Variants in CORO2A observed in about 807,000 individuals in gnomAD.
CORO2A encodes the protein coronin-2A.
Under a neutral mutation model 62.4 loss-of-function variants are expected in CORO2A, and 47 were observed. That is an observed-to-expected ratio of 0.75 (90% CI 0.60 to 0.96). The LOEUF is 0.96. Among genes scored for constraint, CORO2A ranks in the 40% least tolerant of loss-of-function variants. CORO2A has a pLI of 0.00. For missense variants in CORO2A, 610 were observed against 684.1 expected, an observed-to-expected ratio of 0.89 and a Z score of 1.21; for synonymous variants, 273 against 268.9, an observed-to-expected ratio of 1.02 and a Z score of -0.15.
chr9:98,186,867 C>T (rs777499699), intron 1 of CORO2A, among the ~76,000 whole-genome samples: 1 of 152,166 alleles, frequency 6.6e-6, no homozygotes, highest in Non-Finnish European at 1.5e-5. Flanking sequence ...CCAACCTCTC[C>T]CCTAGCACTG....
chr9:98,139,807 A>G (rs1487187530), intron 2 of CORO2A, among the ~76,000 whole-genome samples: 1 of 152,226 alleles, frequency 6.6e-6, no homozygotes, highest in Non-Finnish European at 1.5e-5. Context: ...AACAAAAAAC[A>G]AAACACGGTG....
At chr9:98,153,260 T>C (rs559356244) in intron 2 of CORO2A, among the ~76,000 whole-genome samples, 45 of 151,934 alleles carry the variant, frequency 3.0e-4, no homozygotes, top group Non-Finnish European at 5.9e-4. Flanking sequence ...CTACCACACC[T>C]GGCTAATTTT....
At chr9:98,179,501 C>T (rs1051166505) in intron 1 of CORO2A, among the ~76,000 whole-genome samples, 1 of 152,148 alleles carries the variant, frequency 6.6e-6, no homozygotes, top group African/African-American at 2.4e-5. Context: ...AAGCTGAGAC[C>T]CCACTTGGGC....
At chr9:98,142,854 GC>G (rs1827592024) in intron 2 of CORO2A, among the ~76,000 whole-genome samples, 1 of 57,104 alleles carries the variant, frequency 1.8e-5, no homozygotes, top group Non-Finnish European at 3.6e-5. Context: ...GCCCTGCCCT[GC>G]GCTGCCCTGC....
intron 2 of CORO2A, among the ~76,000 whole-genome samples, chr9:98,149,091 T>C (rs78075956): frequency 0.078 from 11,912 of 152,284 alleles, 612 homozygotes; most frequent in Non-Finnish European, 0.11. Context: ...TACTGCGTAC[T>C]GTAGTCTTAT....
chr9:98,179,183 C>T (rs976762619), intron 1 of CORO2A, among the ~76,000 whole-genome samples: 1 of 152,166 alleles, frequency 6.6e-6, no homozygotes, highest in Admixed American at 6.5e-5. Context: ...CTGACATCTG[C>T]GGACTGGGAA....
At chr9:98,173,887 C>T (rs975629433) in intron 1 of CORO2A, among the ~76,000 whole-genome samples, 4 of 152,148 alleles carry the variant, frequency 2.6e-5, no homozygotes, top group South Asian at 2.1e-4. Context: ...GAGGCTGAGG[C>T]GGGCAGATCA....
At chr9:98,191,819 T>G (rs1828308971) in intron 1 of CORO2A, among the ~76,000 whole-genome samples, 1 of 152,168 alleles carries the variant, frequency 6.6e-6, no homozygotes, top group Non-Finnish European at 1.5e-5. Context: ...AGCTAGTGTG[T>G]GTCACACCTT....
chr9:98,141,645 C>T (rs935601303), intron 2 of CORO2A, among the ~76,000 whole-genome samples: 12 of 152,200 alleles, frequency 7.9e-5, no homozygotes, highest in Admixed American at 3.3e-4. Context: ...TGAGCCACTG[C>T]GCCCAGCTGC....
chr9:98,160,667 C>G (rs73657106), intron 1 of CORO2A, among the ~76,000 whole-genome samples: 3,094 of 152,268 alleles, frequency 0.02, 75 homozygotes, highest in African/African-American at 0.056. Flanking sequence ...AGCAAATCAG[C>G]AGGCTCCGCT....
rs1250349243 is a variant in CORO2A at position 98,121,085 on chromosome 9, A to C, written c.*3689T>G. On this transcript the variant is annotated 3_prime_UTR_variant, in exon 12 of 12. Coordinates refer to ENST00000375077, the MANE Select transcript of CORO2A (RefSeq NM_052820.4). ...TTATCATTATTTTTCACAAAGGTAC[A>C]AGGAATTTCAGAAACAACATTAAAA... 3 of 152,218 alleles carry C rather than the reference A, an allele frequency of 2.0e-5. No individual in the cohort carries two copies. The highest frequency in any genetic ancestry group is 7.2e-5 in the African/African-American group (3 of 41,462). 9.4% of individuals were successfully genotyped at this position (152,218 alleles called of 1,614,324 possible). A position where few individuals can be genotyped will look rare whatever the true frequency, so the allele number is the denominator to read the frequency against.
At chr9:98,187,320 A>G (rs1356578438) in intron 1 of CORO2A, among the ~76,000 whole-genome samples, 2 of 149,438 alleles carry the variant, frequency 1.3e-5, no homozygotes, top group African/African-American at 2.5e-5. Context: ...TTAGCCAGGC[A>G]TGATGGCGGA....
chr9:98,163,746 G>GAC (rs2118891672), intron 1 of CORO2A, among the ~76,000 whole-genome samples: 2 of 130,922 alleles, frequency 1.5e-5, no homozygotes, highest in African/African-American at 6.1e-5. Context: ...GTGTGTGAGA[G>GAC]AGAGAGAGAG....
intron 1 of CORO2A, among the ~76,000 whole-genome samples, chr9:98,161,409 C>A (rs1175629820): frequency 6.6e-6 from 1 of 152,056 alleles, no homozygotes; most frequent in Non-Finnish European, 1.5e-5. Flanking sequence ...CAAAAATTAG[C>A]CGGGTGTGGT....
chr9:98,183,100 G>A (rs909426522), intron 1 of CORO2A, among the ~76,000 whole-genome samples: 7 of 152,188 alleles, frequency 4.6e-5, no homozygotes, highest in African/African-American at 1.7e-4. Context: ...GAATTTGAAG[G>A]CTCAGGCCCT....
intron 1 of CORO2A, among the ~76,000 whole-genome samples, chr9:98,167,337 T>A (rs1457483517): frequency 6.6e-6 from 1 of 152,040 alleles, no homozygotes; most frequent in Non-Finnish European, 1.5e-5. Flanking sequence ...GTTTAATGGA[T>A]ATAGAGTTTC....
At chr9:98,163,649 G>A (rs1194148629) in intron 1 of CORO2A, among the ~76,000 whole-genome samples, 1 of 152,034 alleles carries the variant, frequency 6.6e-6, no homozygotes, top group African/African-American at 2.4e-5. Context: ...AGTAGTCTGA[G>A]GACTAGTTGA....
At chr9:98,160,640 C>T (rs554868125) in intron 1 of CORO2A, among the ~76,000 whole-genome samples, 78 of 152,120 alleles carry the variant, frequency 5.1e-4, no homozygotes, top group Non-Finnish European at 9.0e-4. Flanking sequence ...GGCCTGGGCT[C>T]GGGTGGGAAA....
At chr9:98,153,786 G>A (rs946748647) in intron 2 of CORO2A, among the ~76,000 whole-genome samples, 1 of 151,928 alleles carries the variant, frequency 6.6e-6, no homozygotes, top group African/African-American at 2.4e-5. Context: ...CAAATCTTCT[G>A]TAGGCTTGAA....
Sources: allele counts gnomAD v4.1 joint callset (sites outside exome capture counted in the v4.1 genomes callset), GRCh38; gene constraint gnomAD v4.1.1; transcripts MANE v1.5; gene names NCBI Gene and HGNC (gene_info 2026-07-23, HGNC 2026-07-21).